Variants in TOX3 observed in about 807,000 individuals in gnomAD.
TOX3 encodes the protein CAG trinucleotide repeat-containing gene F9 protein.
A neutral mutation model predicts 64.3 loss-of-function variants in TOX3; 22 were observed. The observed-to-expected ratio is 0.34, with a 90% CI of 0.24 to 0.49. The LOEUF is 0.49. TOX3 is among the 20% of genes least tolerant of loss of function. TOX3 has a pLI of 0.99. For synonymous variants in TOX3, 291 were observed against 273.6 expected (o/e 1.06, Z -0.63); for missense variants, 661 against 714.4 (o/e 0.93, Z 0.85).
At chr16:52,519,990 A>AG in intron 1 of TOX3, among the ~76,000 whole-genome samples, 1 of 150,080 alleles carries the variant, frequency 6.7e-6, no homozygotes, top group South Asian at 2.1e-4. Flanking sequence ...AAAAAAAAAA[A>AG]AAGAAGAAGA....
At chr16:52,526,466 C>T (rs1249440802) in intron 1 of TOX3, among the ~76,000 whole-genome samples, 1 of 144,876 alleles carries the variant, frequency 6.9e-6, no homozygotes, top group Non-Finnish European at 1.5e-5. Context: ...GTGTTAATCA[C>T]TTTATCTCCC....
In TOX3 at chr16:52,519,336, C is replaced by T. The variant is rs1334770266; in HGVS notation, c.87+27301G>A. The stretch of plus-strand genomic sequence containing the variant: ...AGGGTTAGTGCATTCATCAGACAAA[C>T]TGATAAAAGACACTATCTGGTTAGC... On this transcript the variant is annotated intron_variant, in intron 1 of 6. Transcript: ENST00000219746. The T allele has an allele frequency of 2.1e-6, 3 of 1,440,390 alleles. No individual in the cohort carries two copies. In the Admixed American group the frequency reaches 6.8e-5, roughly 33 times the overall value. 89.2% of individuals were successfully genotyped at this position (1,440,390 alleles called of 1,614,324 possible).
chr16:52,498,298 G>A (rs1040113798), intron 1 of TOX3, among the ~76,000 whole-genome samples: 14 of 152,038 alleles, frequency 9.2e-5, no homozygotes, highest in African/African-American at 2.4e-4. Context: ...TCTCTCCACC[G>A]CTTTTCTATT....
At chr16:52,510,838 T>C (rs995345532) in intron 1 of TOX3, among the ~76,000 whole-genome samples, 2 of 147,202 alleles carry the variant, frequency 1.4e-5, no homozygotes, top group Non-Finnish European at 3.0e-5. Context: ...TAAAATGAAC[T>C]AACTGGGGAA....
At chr16:52,512,243 G>A (rs1962331895) in intron 1 of TOX3, among the ~76,000 whole-genome samples, 1 of 152,104 alleles carries the variant, frequency 6.6e-6, no homozygotes. Context: ...TGAATCAAAG[G>A]GATTTTGTTT....
intron 6 of TOX3, among the ~76,000 whole-genome samples, chr16:52,443,113 TAAG>T (rs1275519991): frequency 3.9e-5 from 6 of 152,216 alleles, no homozygotes; most frequent in African/African-American, 1.4e-4. Context: ...ATGATTCACT[TAAG>T]AAGTACATGC....
chr16:52,509,599 C>T (rs1009003668), intron 1 of TOX3, among the ~76,000 whole-genome samples: 20 of 152,182 alleles, frequency 1.3e-4, no homozygotes, highest in African/African-American at 4.8e-4. Flanking sequence ...AAATATTTTA[C>T]CTAAGACAGA....
At chr16:52,533,972 G>A (rs751237201) in intron 1 of TOX3, among the ~76,000 whole-genome samples, 1 of 152,180 alleles carries the variant, frequency 6.6e-6, no homozygotes, top group African/African-American at 2.4e-5. Flanking sequence ...TCCCTGAATG[G>A]GTGAGGATGA....
chr16:52,438,788 G>T lies in TOX3; in HGVS notation c.*437C>A, dbSNP rs1959831801. ...ATGAAACTGGATCTTCATATTTCAG[G>T]TAGTTACAACTGTGCTTTTTATTTT... On this transcript the variant is annotated 3_prime_UTR_variant, in exon 7 of 7. Transcript: ENST00000219746. 3.9e-6 allele frequency: 1 copy of T among 253,782 alleles called. No individual in the cohort carries two copies. Among genetic ancestry groups the T allele is most frequent in the Non-Finnish European group, 8.0e-6 (1 of 124,590 alleles). The allele number at this position is 253,782 out of a possible 1,614,324, so 15.7% of individuals were successfully genotyped here.
intron 1 of TOX3, among the ~76,000 whole-genome samples, chr16:52,517,481 T>C (rs45448899): frequency 4.6e-5 from 7 of 151,978 alleles, no homozygotes; most frequent in Non-Finnish European, 1.5e-5. Flanking sequence ...TTCTTGGTGG[T>C]GCCCCAGCCC....
intron 1 of TOX3, among the ~76,000 whole-genome samples, chr16:52,491,157 C>G (rs1961673359): frequency 6.6e-6 from 1 of 152,166 alleles, no homozygotes; most frequent in South Asian, 2.1e-4. Context: ...TCATTCCCTT[C>G]TATTCCTTCT....
intron 1 of TOX3, among the ~76,000 whole-genome samples, chr16:52,518,621 C>A (rs1228097291): frequency 6.6e-6 from 1 of 152,158 alleles, no homozygotes; most frequent in East Asian, 1.9e-4. Flanking sequence ...ATACAGAATT[C>A]TAATATTTAC....
At chr16:52,484,879 T>C (rs1021907735) in intron 1 of TOX3, among the ~76,000 whole-genome samples, 3 of 151,996 alleles carry the variant, frequency 2.0e-5, no homozygotes, top group Non-Finnish European at 4.4e-5. Flanking sequence ...AACCCAGCAA[T>C]CCCAGAACTG....
chr16:52,463,799 A>T lies in TOX3; in HGVS notation c.408+135T>A, dbSNP rs980835392. Reference sequence around the variant, plus strand: ...GTTCAATACCAGGCAGCGATCCAGTACCTGCATGTAAATAGCACTAGAATC... The same window carrying T: ...GTTCAATACCAGGCAGCGATCCAGTTCCTGCATGTAAATAGCACTAGAATC... On this transcript the variant is annotated intron_variant, in intron 3 of 6. Coordinates refer to ENST00000219746, the MANE Select transcript of TOX3 (RefSeq NM_001080430.4). 8.3e-6 allele frequency: 9 copies of T among 1,085,512 alleles called. No individual in the cohort carries two copies. The African/African-American group carries it at 1.3e-4, about 16-fold the overall frequency. The allele number at this position is 1,085,512 out of a possible 1,614,324, so 67.2% of individuals were successfully genotyped here.
At chr16:52,528,285 C>T (rs1015666278) in intron 1 of TOX3, among the ~76,000 whole-genome samples, 4 of 152,102 alleles carry the variant, frequency 2.6e-5, no homozygotes, top group African/African-American at 4.8e-5. Context: ...TACAATGACC[C>T]TATGTTGCAA....
intron 5 of TOX3, chr16:52,445,120 C>G (rs1367155894): frequency 1.3e-5 from 2 of 152,158 alleles, no homozygotes; most frequent in East Asian, 3.9e-4. Context: ...AGTCTGCTAT[C>G]TACAGTAATA....
chr16:52,511,214 C>T (rs1483589125), intron 1 of TOX3, among the ~76,000 whole-genome samples: 1 of 152,170 alleles, frequency 6.6e-6, no homozygotes, highest in Non-Finnish European at 1.5e-5. Flanking sequence ...GTAAGGCTGG[C>T]TGGGCACGGT....
intron 1 of TOX3, among the ~76,000 whole-genome samples, chr16:52,485,119 A>G (rs1012160955): frequency 7.1e-6 from 1 of 141,228 alleles, no homozygotes; most frequent in African/African-American, 2.7e-5. Flanking sequence ...GTATGTATAT[A>G]TGTGTGTGTA....
chr16:52,505,135 A>C (rs1294366314), intron 1 of TOX3, among the ~76,000 whole-genome samples: 1 of 152,120 alleles, frequency 6.6e-6, no homozygotes, highest in African/African-American at 2.4e-5. Flanking sequence ...CACCCGGCCA[A>C]GAAGAGGGTC....
Sources: allele counts gnomAD v4.1 joint callset (sites outside exome capture counted in the v4.1 genomes callset), GRCh38; gene constraint gnomAD v4.1.1; transcripts MANE v1.5; gene names NCBI Gene and HGNC (gene_info 2026-07-23, HGNC 2026-07-21).